ARHGAP42: variants seen among roughly 807,000 people sequenced by gnomAD.
ARHGAP42 encodes the protein Rho GTPase activating protein 42.
A neutral mutation model predicts 125.0 loss-of-function variants in ARHGAP42; 63 were observed. The observed-to-expected ratio is 0.50, with a 90% CI of 0.41 to 0.62. The LOEUF (loss-of-function observed/expected upper bound fraction) is 0.62. Ranked by LOEUF, ARHGAP42 falls within the 20% of genes least tolerant of loss-of-function variation. ARHGAP42 has a pLI of 0.00. For synonymous variants in ARHGAP42, 339 were observed against 351.0 expected (o/e 0.97, Z 0.38); for missense variants, 766 against 1,024.2 (o/e 0.75, Z 3.44).
At chr11:100,835,683 A>G (rs557067857) in intron 3 of ARHGAP42, among the ~76,000 whole-genome samples, 1 of 152,238 alleles carries the variant, frequency 6.6e-6, no homozygotes, top group East Asian at 1.9e-4. Context: ...TTTCATCTTA[A>G]TGATATTCCT....
rs1435058227 is a variant in ARHGAP42 at position 100,958,422 on chromosome 11, G to T, written c.1163-1461G>T. ...TTTGACCTAGGACACTGGGGACAAA[G>T]AAATAAATGAGCCACTTCCCATTGA... On this transcript the variant is annotated intron_variant, in intron 12 of 23. Transcript: ENST00000298815. 2.6e-4 allele frequency among the ~76,000 whole-genome samples: 39 copies of T among 151,892 alleles called. 1 individual carries two copies. The highest frequency in any genetic ancestry group is 2.6e-3 in the Admixed American group (39 of 15,208).
intron 12 of ARHGAP42, among the ~76,000 whole-genome samples, chr11:100,956,375 A>G (rs970233621): frequency 1.3e-5 from 2 of 152,158 alleles, no homozygotes; most frequent in African/African-American, 4.8e-5. Context: ...ACATGTCCAT[A>G]TAGGTCAGCA....
At chr11:100,858,969 T>C (rs1215123145) in intron 3 of ARHGAP42, among the ~76,000 whole-genome samples, 2 of 152,104 alleles carry the variant, frequency 1.3e-5, no homozygotes, top group African/African-American at 4.8e-5. Flanking sequence ...AAAGTTTAAG[T>C]AAATCTCAAT....
intron 5 of ARHGAP42, among the ~76,000 whole-genome samples, chr11:100,921,202 AATATATATATACATATATATATATAT>A (rs1208858699): frequency 1.5e-3 from 60 of 39,262 alleles, no homozygotes; most frequent in Non-Finnish European, 2.5e-3. Flanking sequence ...CCCCTCTTGT[AATATATATATACATATATATATATAT>A]ATATATATAT....
At chr11:100,872,626 C>G (rs553621780) in intron 4 of ARHGAP42, among the ~76,000 whole-genome samples, 2 of 152,106 alleles carry the variant, frequency 1.3e-5, no homozygotes, top group East Asian at 1.9e-4. Context: ...CTCCTGACGT[C>G]AGGTGATTTG....
Position 100,986,420 on chromosome 11 carries a change from G to A in ARHGAP42, c.2457-1093G>A, listed in dbSNP as rs73579239. The A allele has an allele frequency of 6.1e-3, 1,327 of 219,138 alleles. 18 individuals are homozygous for A. Among genetic ancestry groups the A allele is most frequent in the African/African-American group, 0.03 (1,257 of 42,564 alleles). 13.6% of individuals were successfully genotyped at this position (219,138 alleles called of 1,614,324 possible). A position where few individuals can be genotyped will look rare whatever the true frequency, so the allele number is the denominator to read the frequency against. Reference sequence around the variant, plus strand: ...ATTGTGACTGGAGTAGAGTAGGAGAGCAGAGGCAGGGACACAAAGAGGCAG... The same window carrying A: ...ATTGTGACTGGAGTAGAGTAGGAGAACAGAGGCAGGGACACAAAGAGGCAG... On this transcript the variant is annotated intron_variant, in intron 22 of 23. Coordinates refer to ENST00000298815, the MANE Select transcript of ARHGAP42 (RefSeq NM_152432.4).
chr11:100,743,788 A>C (rs1324907391), intron 1 of ARHGAP42, among the ~76,000 whole-genome samples: 1 of 151,816 alleles, frequency 6.6e-6, no homozygotes, highest in Non-Finnish European at 1.5e-5. Context: ...TTTTTATTTG[A>C]GTGGGTTAAT....
At chr11:100,943,270 C>T (rs77549508) in intron 9 of ARHGAP42, among the ~76,000 whole-genome samples, 7,039 of 151,846 alleles carry the variant, frequency 0.046, 320 homozygotes, top group East Asian at 0.25. Context: ...ATATTATTTC[C>T]GTAGCTCTCT....
intron 1 of ARHGAP42, among the ~76,000 whole-genome samples, chr11:100,745,264 C>A (rs2120351699): frequency 6.6e-6 from 1 of 152,316 alleles, no homozygotes; most frequent in East Asian, 1.9e-4. Context: ...ATCTAACAAT[C>A]CCTCCTCTTG....
At chr11:100,727,495 C>T (rs1394750077) in intron 1 of ARHGAP42, among the ~76,000 whole-genome samples, 1 of 152,180 alleles carries the variant, frequency 6.6e-6, no homozygotes, top group Non-Finnish European at 1.5e-5. Flanking sequence ...AAAGAGTCCG[C>T]CACAATTAGA....
intron 4 of ARHGAP42, among the ~76,000 whole-genome samples, chr11:100,893,776 T>C (rs1235809900): frequency 3.3e-5 from 5 of 152,278 alleles, no homozygotes; most frequent in South Asian, 2.1e-4. Context: ...CTAATTCTAA[T>C]TGATAAATTC....
intron 3 of ARHGAP42, among the ~76,000 whole-genome samples, chr11:100,810,238 A>G (rs943408958): frequency 4.6e-5 from 7 of 152,186 alleles, no homozygotes; most frequent in Admixed American, 6.6e-5. Flanking sequence ...AACTAAATAA[A>G]CAGAAAACCA....
intron 4 of ARHGAP42, among the ~76,000 whole-genome samples, chr11:100,863,037 C>T (rs79224836): frequency 8.9e-6 from 1 of 112,470 alleles, no homozygotes; most frequent in Admixed American, 9.4e-5. Context: ...AACTCCGTCT[C>T]AAAAAAAAAA....
chr11:100,917,172 A>C (rs576205699), intron 5 of ARHGAP42, among the ~76,000 whole-genome samples: 1 of 152,248 alleles, frequency 6.6e-6, no homozygotes, highest in Non-Finnish European at 1.5e-5. Flanking sequence ...ATAATTAAGA[A>C]AAAAGTAAAG....
chr11:100,757,667 A>G (rs1263854659), intron 1 of ARHGAP42, among the ~76,000 whole-genome samples: 1 of 152,210 alleles, frequency 6.6e-6, no homozygotes, highest in Admixed American at 6.5e-5. Context: ...AAATAGTTTC[A>G]AAAATTGCTT....
At chr11:100,785,317 G>T (rs1243371621) in intron 2 of ARHGAP42, among the ~76,000 whole-genome samples, 2 of 152,190 alleles carry the variant, frequency 1.3e-5, no homozygotes, top group Admixed American at 6.6e-5. Flanking sequence ...GGGCCATCTG[G>T]TAAGAGTGAG....
chr11:100,769,137 A>C (rs1862910273), intron 1 of ARHGAP42, among the ~76,000 whole-genome samples: 1 of 152,234 alleles, frequency 6.6e-6, no homozygotes, highest in South Asian at 2.1e-4. Flanking sequence ...GAAGAGGTAC[A>C]GTAAAGATAC....
intron 4 of ARHGAP42, among the ~76,000 whole-genome samples, chr11:100,877,789 G>A (rs895941379): frequency 6.6e-6 from 1 of 151,938 alleles, no homozygotes; most frequent in African/African-American, 2.4e-5. Flanking sequence ...GGCAGATCAC[G>A]AGGTCAGGAG....
chr11:100,933,786 A>G (rs1423485909), intron 7 of ARHGAP42, among the ~76,000 whole-genome samples: 2 of 148,532 alleles, frequency 1.3e-5, no homozygotes, highest in African/African-American at 4.9e-5. Flanking sequence ...ATAAGACCTT[A>G]GAGAAGTCTT....
Sources: allele counts gnomAD v4.1 joint callset (sites outside exome capture counted in the v4.1 genomes callset), GRCh38; gene constraint gnomAD v4.1.1; transcripts MANE v1.5; gene names NCBI Gene and HGNC (gene_info 2026-07-23, HGNC 2026-07-21).